Variants in STAG2 observed in about 807,000 individuals in gnomAD.
STAG2 encodes cohesin subunit SA-2.
In STAG2, 14 loss-of-function variants were observed where a neutral mutation model predicts 108.1. The observed-to-expected ratio is 0.13, with a 90% CI of 0.09 to 0.20. The LOEUF (loss-of-function observed/expected upper bound fraction) is 0.20, where lower values mean the gene tolerates loss of function less well. Among genes scored for constraint, STAG2 ranks in the 10% least tolerant of loss-of-function variants. The pLI, the probability that STAG2 is intolerant of heterozygous loss-of-function variation, is 1.00. For missense variants in STAG2, 440 were observed against 940.9 expected (o/e 0.47, Z 6.96); for synonymous variants, 307 against 302.7 (o/e 1.01, Z -0.15).
intron 25 of STAG2, among the ~76,000 whole-genome samples, chrX:124,072,904 C>CTTTTTTTTTTT (rs779996801): frequency 1.5e-4 from 11 of 72,695 alleles, no homozygotes; most frequent in East Asian, 4.2e-4. Flanking sequence ...TTCTTTCTTT[C>CTTTTTTTTTTT]TTTTTTTTTT....
At position 123,980,028 on chromosome X, in the gene STAG2, C is replaced by T. The variant is rs151147921; in HGVS notation, c.-163+18172C>T. ...TTTGATAGCACATAGTTTTTTCTGA[C>T]ATCTTGGAATGCATACCCTTTTTGT... On this transcript the variant is annotated intron_variant, in intron 1 of 34. Coordinates refer to ENST00000371145, the MANE Select transcript of STAG2 (RefSeq NM_001042750.2). 9.2e-3 allele frequency among the ~76,000 whole-genome samples: 1,035 copies of T among 111,968 alleles called. 14 individuals are homozygous for T. The highest frequency in any genetic ancestry group is 0.032 in the African/African-American group (976 of 30,825).
rs1388250622 is a variant in STAG2 at position 124,042,640 on chromosome X, G to T, written c.457G>T (p.Asp153Tyr). ...AATTCGAAAAATGACTGAAGAATTC[G>T]ATGAGGTAACTTACTACCTTAAGTG... Reference protein sequence around the residue: ...EIIRKMTEEFDEDSGDYPLTM... With the variant: ...EIIRKMTEEFYEDSGDYPLTM... Residue 153 changes from aspartate to tyrosine, a missense_variant, in exon 7 of 35, where the codon GAT becomes TAT. Asp to Tyr is a radical substitution (Grantham distance 160). Transcript: ENST00000371145. The T allele has an allele frequency of 8.6e-7, 1 of 1,161,057 alleles. No homozygotes were observed. Among genetic ancestry groups the T allele is most frequent in the East Asian group, 3.0e-5 (1 of 33,538 alleles).
At chrX:124,091,125 T>TA (rs2059243044) in intron 32 of STAG2, among the ~76,000 whole-genome samples, 161 bp downstream of exon 32, 1 of 111,972 alleles carries the variant, frequency 8.9e-6, no homozygotes, top group Non-Finnish European at 1.9e-5. Flanking sequence ...AAAAGCAAAA[T>TA]ATTTTAATTA....
chrX:123,970,029 T>C (rs1408654269), intron 1 of STAG2, among the ~76,000 whole-genome samples: 1 of 104,500 alleles, frequency 9.6e-6, no homozygotes, highest in Non-Finnish European at 2.0e-5. Flanking sequence ...TTGTTGGACT[T>C]ATGACCTAAG....
chrX:124,058,003 C>G (rs367872968), intron 15 of STAG2, 26 bp downstream of exon 15: 87 of 1,041,840 alleles, frequency 8.4e-5, no homozygotes, highest in Middle Eastern at 2.7e-4. Flanking sequence ...TTATTTTATA[C>G]TTAGGTTCGA....
chrX:123,962,098 T>G (rs1276516573), intron 1 of STAG2: 1 of 110,682 alleles, frequency 9.0e-6, no homozygotes, highest in African/African-American at 3.3e-5. Context: ...GAGCTGATCC[T>G]TGCCCCAGGT....
intron 1 of STAG2, among the ~76,000 whole-genome samples, chrX:123,968,304 TAGGGAGATTTC>T (rs2054198340): frequency 1.8e-5 from 2 of 111,981 alleles, no homozygotes; most frequent in Admixed American, 1.9e-4. Context: ...TGAGACAAAC[TAGGGAGATTTC>T]AGTAAGCTCT....
intron 1 of STAG2, among the ~76,000 whole-genome samples, chrX:124,009,139 C>T (rs1223686757): frequency 9.0e-6 from 1 of 110,849 alleles, no homozygotes; most frequent in East Asian, 2.8e-4. Flanking sequence ...GTCATTATTT[C>T]GCCTCCTTTC....
chrX:123,992,976 T>C (rs887232633), intron 1 of STAG2, among the ~76,000 whole-genome samples: 3 of 111,736 alleles, frequency 2.7e-5, no homozygotes, highest in African/African-American at 9.8e-5. Flanking sequence ...ATTGAAACTG[T>C]AGGTTCAATT....
intron 1 of STAG2, among the ~76,000 whole-genome samples, chrX:123,993,917 A>G (rs1384848464): frequency 8.9e-6 from 1 of 111,819 alleles, no homozygotes; most frequent in Non-Finnish European, 1.9e-5. Flanking sequence ...ACAACCACCT[A>G]TAGGCATTAT....
At chrX:124,037,407 GTATT>G in intron 5 of STAG2, 116 bp from the exon 6 acceptor site, 1 of 250,146 alleles carries the variant, frequency 4.0e-6, no homozygotes, top group South Asian at 1.2e-4. Context: ...CAGTGTATAA[GTATT>G]TATATTAAAG....
intron 1 of STAG2, among the ~76,000 whole-genome samples, chrX:124,019,824 C>A (rs1000394872): frequency 3.6e-5 from 4 of 111,470 alleles, no homozygotes; most frequent in Admixed American, 9.6e-5. Context: ...ATAGTCCCAG[C>A]TACTTGGGAG....
intron 1 of STAG2, among the ~76,000 whole-genome samples, chrX:124,006,881 T>G (rs2056319635): frequency 8.9e-6 from 1 of 112,243 alleles, no homozygotes; most frequent in African/African-American, 3.2e-5. Flanking sequence ...AATATCTTGA[T>G]TCTTAGGGTC....
chrX:123,999,571 A>G (rs1030453215), intron 1 of STAG2, among the ~76,000 whole-genome samples: 2 of 110,937 alleles, frequency 1.8e-5, no homozygotes, highest in Non-Finnish European at 3.8e-5. Context: ...CAGCCACCCA[A>G]GTAGCTGGGA....
chrX:124,035,995 T>G (rs909955997), intron 5 of STAG2, among the ~76,000 whole-genome samples: 1 of 112,434 alleles, frequency 8.9e-6, no homozygotes, highest in Non-Finnish European at 1.9e-5. Context: ...TATGATATAT[T>G]CTTTTGCTGT....
At position 124,095,985 on chromosome X, in the gene STAG2, T is replaced by TTGA. The variant is rs1197805737; in HGVS notation, c.3783+537_3783+538insGAT. Among the ~76,000 whole-genome samples the TTGA allele has an allele frequency of 3.6e-5, 4 of 110,191 alleles. No individual in the cohort carries two copies. The East Asian group carries it at 1.1e-3, about 31-fold the overall frequency. ...GTCAGTTATTTTTCTTAAGTACCTC[T>TTGA]TATATCAGTCCCCTGTGCCATATTC... On this transcript the variant is annotated intron_variant, in intron 34 of 34. Coordinates refer to ENST00000371145, the MANE Select transcript of STAG2 (RefSeq NM_001042750.2).
In STAG2 at chrX:124,021,421, A is replaced by G. The variant is rs1350748104; in HGVS notation, c.-108A>G. On this transcript the variant is annotated 5_prime_UTR_variant, in exon 2 of 35. Coordinates refer to ENST00000371145, the MANE Select transcript of STAG2 (RefSeq NM_001042750.2). ...AATAAAAGAAAAACATAAGAAAATT[A>G]TAAGAGAAAGGTACACATAAGACTA... The G allele has an allele frequency of 3.6e-5, 4 of 112,097 alleles. No individual in the cohort carries two copies. The East Asian group carries it at 1.1e-3, about 31-fold the overall frequency. 9.2% of individuals were successfully genotyped at this position (112,097 alleles called of 1,213,427 possible).
At chrX:124,012,098 TTGA>T (rs1008035213) in intron 1 of STAG2, among the ~76,000 whole-genome samples, 2 of 112,162 alleles carry the variant, frequency 1.8e-5, no homozygotes, top group African/African-American at 6.5e-5. Flanking sequence ...GTTACATTGA[TTGA>T]TTTTTGTATG....
chrX:124,006,763 A>G (rs758573795), intron 1 of STAG2, among the ~76,000 whole-genome samples: 15 of 110,838 alleles, frequency 1.4e-4, no homozygotes, highest in Middle Eastern at 9.4e-3. Flanking sequence ...TATTTTGGCA[A>G]TTCTTACAGA....
Sources: allele counts gnomAD v4.1 joint callset (sites outside exome capture counted in the v4.1 genomes callset), GRCh38; gene constraint gnomAD v4.1.1; transcripts MANE v1.5; gene names NCBI Gene and HGNC (gene_info 2026-07-23, HGNC 2026-07-21).